The following EPHA5 variants were observed in gnomAD, a reference collection of about 807,000 sequenced individuals.
The protein encoded by EPHA5 is EPH receptor A5, also known as ephrin type-A receptor 5.
Under a neutral mutation model 105.0 loss-of-function variants are expected in EPHA5, and 60 were observed. That is an observed-to-expected ratio of 0.57 (90% confidence interval 0.46 to 0.71). EPHA5 has a LOEUF of 0.71. Ranked by LOEUF, EPHA5 falls within the 30% of genes least tolerant of loss-of-function variation. EPHA5 has a pLI of 0.00. For synonymous variants in EPHA5, 513 were observed against 449.1 expected (o/e 1.14, Z -1.80); for missense variants, 1,218 against 1,274.7 (o/e 0.96, Z 0.68).
At chr4:65,577,538 C>A (rs990340113) in intron 3 of EPHA5, among the ~76,000 whole-genome samples, 13 of 152,020 alleles carry the variant, frequency 8.6e-5, no homozygotes, top group East Asian at 3.8e-4. Flanking sequence ...ACAGGAAAAA[C>A]CATTCCAAGT....
intron 3 of EPHA5, among the ~76,000 whole-genome samples, chr4:65,597,673 T>C (rs190320494): frequency 9.0e-4 from 137 of 152,276 alleles, no homozygotes; most frequent in African/African-American, 3.2e-3. Flanking sequence ...CTTACAAAAA[T>C]AAATGTACAC....
intron 3 of EPHA5, among the ~76,000 whole-genome samples, chr4:65,599,226 A>G (rs1743472403): frequency 6.6e-6 from 1 of 151,964 alleles, no homozygotes; most frequent in African/African-American, 2.4e-5. Flanking sequence ...AGATGAGAGA[A>G]ATGATTCCTA....
intron 8 of EPHA5, among the ~76,000 whole-genome samples, chr4:65,390,616 A>G (rs757846602): frequency 1.9e-4 from 29 of 152,204 alleles, no homozygotes; most frequent in Middle Eastern, 3.4e-3. Context: ...CATCATGGGT[A>G]TGCAGATTCC....
At chr4:65,500,771 AATACT>A (rs1318710260) in intron 3 of EPHA5, among the ~76,000 whole-genome samples, 1 of 150,502 alleles carries the variant, frequency 6.6e-6, no homozygotes, top group African/African-American at 2.4e-5. Context: ...AATACTTTAA[AATACT>A]ATACTTCTTT....
chr4:65,349,290 G>A (rs1485207677), intron 13 of EPHA5, among the ~76,000 whole-genome samples: 1 of 151,748 alleles, frequency 6.6e-6, no homozygotes, highest in Non-Finnish European at 1.5e-5. Context: ...AAATTGGATT[G>A]GGGGAAAATC....
chr4:65,619,929 T>C (rs1030941891), intron 2 of EPHA5, among the ~76,000 whole-genome samples: 13 of 151,290 alleles, frequency 8.6e-5, no homozygotes, highest in African/African-American at 1.2e-4. Context: ...TAATTGATAA[T>C]AATATTATAA....
intron 3 of EPHA5, among the ~76,000 whole-genome samples, chr4:65,558,854 A>T (rs550247830): frequency 6.6e-6 from 1 of 152,278 alleles, no homozygotes; most frequent in East Asian, 1.9e-4. Flanking sequence ...TGCTTGCCCA[A>T]AGCAAATTTC....
chr4:65,404,128 G>A (rs745547983), intron 8 of EPHA5, among the ~76,000 whole-genome samples: 9 of 151,964 alleles, frequency 5.9e-5, no homozygotes, highest in African/African-American at 9.7e-5. Flanking sequence ...TATATTAACC[G>A]AATAAACAAT....
intron 3 of EPHA5, among the ~76,000 whole-genome samples, chr4:65,528,567 C>A (rs181317199): frequency 3.9e-5 from 6 of 152,026 alleles, no homozygotes; most frequent in Non-Finnish European, 8.8e-5. Flanking sequence ...GTTTAATTCA[C>A]GAATTTCCAA....
At chr4:65,376,943 G>T (rs7690645) in intron 8 of EPHA5, 15 of 1,453,654 alleles carry the variant, frequency 1.0e-5, no homozygotes, top group Non-Finnish European at 1.4e-5. Context: ...GAATGCCGAC[G>T]GTAATACATA....
At chr4:65,479,636 G>A (rs1730160222) in intron 5 of EPHA5, among the ~76,000 whole-genome samples, 1 of 152,126 alleles carries the variant, frequency 6.6e-6, no homozygotes, top group Non-Finnish European at 1.5e-5. Flanking sequence ...GCTTTACACT[G>A]AATACAGAAT....
chr4:65,609,354 G>A (rs192974971), intron 2 of EPHA5, among the ~76,000 whole-genome samples: 79 of 152,198 alleles, frequency 5.2e-4, no homozygotes, highest in African/African-American at 1.7e-3. Context: ...TTTAAAATTC[G>A]TAAGTATGAT....
intron 3 of EPHA5, among the ~76,000 whole-genome samples, chr4:65,532,299 C>T (rs1027817440): frequency 1.3e-5 from 2 of 152,014 alleles, no homozygotes; most frequent in Admixed American, 6.5e-5. Flanking sequence ...GAAAGCTTCT[C>T]ATAATTTCAC....
At chr4:65,349,541 A>T (rs968554328) in intron 13 of EPHA5, among the ~76,000 whole-genome samples, 2 of 152,124 alleles carry the variant, frequency 1.3e-5, no homozygotes, top group African/African-American at 2.4e-5. Context: ...GTGCCTTCCC[A>T]TTTTGCAGGA....
At chr4:65,643,052 A>T (rs1371623030) in intron 2 of EPHA5, among the ~76,000 whole-genome samples, 1 of 152,058 alleles carries the variant, frequency 6.6e-6, no homozygotes, top group Non-Finnish European at 1.5e-5. Context: ...CTTTAATATA[A>T]ACTAATTCTG....
intron 3 of EPHA5, among the ~76,000 whole-genome samples, chr4:65,555,555 T>TA (rs34149071): frequency 0.059 from 8,489 of 143,724 alleles, 513 homozygotes; most frequent in African/African-American, 0.15. Flanking sequence ...AAAATTTTTC[T>TA]AAAAAAAAAA....
intron 3 of EPHA5, among the ~76,000 whole-genome samples, chr4:65,495,914 T>C (rs190509014): frequency 6.6e-6 from 1 of 152,312 alleles, no homozygotes; most frequent in East Asian, 1.9e-4. Context: ...GAAATAAATA[T>C]TATTCCATGT....
At chr4:65,546,948 T>C (rs1468351574) in intron 3 of EPHA5, among the ~76,000 whole-genome samples, 1 of 152,046 alleles carries the variant, frequency 6.6e-6, no homozygotes, top group Non-Finnish European at 1.5e-5. Context: ...CATTGAAAAT[T>C]TCAACCTCTT....
At chr4:65,606,752 AG>A (rs1744265264) in intron 2 of EPHA5, among the ~76,000 whole-genome samples, 1 of 152,212 alleles carries the variant, frequency 6.6e-6, no homozygotes, top group African/African-American at 2.4e-5. Flanking sequence ...GTAAATCAAA[AG>A]CCCAGAATAT....
Sources: allele counts gnomAD v4.1 joint callset (sites outside exome capture counted in the v4.1 genomes callset), GRCh38; gene constraint gnomAD v4.1.1; transcripts MANE v1.5; gene names NCBI Gene and HGNC (gene_info 2026-07-23, HGNC 2026-07-21).